The following MAN2B1 variants were observed in gnomAD, a reference collection of about 807,000 sequenced individuals.
MAN2B1 encodes lysosomal alpha-mannosidase.
In MAN2B1, 99 loss-of-function variants were observed where a neutral mutation model predicts 127.5. That is an observed-to-expected ratio of 0.78 (90% confidence interval 0.66 to 0.92). MAN2B1 has a LOEUF of 0.92. Ranked by LOEUF, MAN2B1 falls within the 40% of genes least tolerant of loss-of-function variation. The probability of loss-of-function intolerance (pLI) is 0.00; values close to 1 mark genes in which losing one functional copy is unlikely to be tolerated. For synonymous variants in MAN2B1, 573 were observed against 568.8 expected (o/e 1.01, Z -0.11); for missense variants, 1,304 against 1,384.8 (o/e 0.94, Z 0.93).
In MAN2B1 at chr19:12,656,936, C is replaced by T. The variant is rs765251248; in HGVS notation, c.1527+13G>A. The T allele has an allele frequency of 8.1e-6, 13 of 1,607,570 alleles. No homozygotes were observed. The highest frequency in any genetic ancestry group is 1.1e-5 in the Non-Finnish European group (13 of 1,175,364). On this transcript the variant is annotated intron_variant, in intron 12 of 23. Coordinates refer to ENST00000456935, the MANE Select transcript of MAN2B1 (RefSeq NM_000528.4). ...CCATCTGCCCTAGATCCACCCCTCC[C>T]GTCCCGGCTCACGCGCGCCGCCGTC... is the stretch of plus-strand genomic sequence containing the variant.
intron 5 of MAN2B1, 72 bp from the exon 6 acceptor site, chr19:12,663,534 C>T: frequency 1.3e-6 from 2 of 1,596,144 alleles, no homozygotes; most frequent in South Asian, 2.2e-5. Flanking sequence ...CGGCCATGTC[C>T]CACCCAGGAT....
At chr19:12,656,803 AG>A in intron 12 of MAN2B1, 116 bp from the exon 13 acceptor site, 1 of 1,047,328 alleles carries the variant, frequency 9.5e-7, no homozygotes, top group South Asian at 1.3e-5. Flanking sequence ...CTTAAGGCCA[AG>A]CCCCCTCGAG....
chr19:12,656,543 C>A (rs767822152), intron 13 of MAN2B1, 28 bp downstream of exon 13: 14 of 1,518,016 alleles, frequency 9.2e-6, no homozygotes, highest in East Asian at 2.2e-5. Flanking sequence ...GGAGTCCCAG[C>A]GGGGGAATAT....
chr19:12,652,489 TTGTGTGTGTA>T (rs778284056), intron 14 of MAN2B1, 29 bp from the exon 15 acceptor site: 9 of 1,503,624 alleles, frequency 6.0e-6, no homozygotes, highest in Admixed American at 5.0e-5. Context: ...ACAGATGGGT[TTGTGTGTGTA>T]TGTGTGTGTG....
At chr19:12,658,635 TGCAAGCCAATG>T (rs2024033424) in intron 7 of MAN2B1, 125 bp from the exon 8 acceptor site, 1 of 867,388 alleles carries the variant, frequency 1.2e-6, no homozygotes, top group Admixed American at 2.0e-5. Flanking sequence ...ATATTTGGCG[TGCAAGCCAATG>T]GTTGGGTGTG....
rs372896479 is a variant in MAN2B1 at position 12,648,220 on chromosome 19, C to T, written c.2619G>A (p.Pro873=). The change falls in exon 21 of 24, where the codon CCG becomes CCA. Residue 873 remains proline, a synonymous_variant. Transcript: ENST00000456935. ...EVLAPQVVLA[P]GGGAAYNLGA... ...CGAGATTGTAGGCGGCGCCGCCACC[C>T]GGGGCCAGCACCACCTGAGGGGCCA... 94 of 1,575,520 alleles carry T rather than the reference C, an allele frequency of 6.0e-5. 2 individuals carry two copies. In the African/African-American group the frequency reaches 1.0e-3, roughly 17 times the overall value.
At chr19:12,651,388 A>C (rs2023838375) in intron 16 of MAN2B1, among the ~76,000 whole-genome samples, 1 of 152,170 alleles carries the variant, frequency 6.6e-6, no homozygotes, top group African/African-American at 2.4e-5. Context: ...TTGGACCATG[A>C]GGTGGAAACT....
In MAN2B1 at chr19:12,658,210, C is replaced by T. The variant is rs773957286; in HGVS notation, c.1230+14G>A. On this transcript the variant is annotated intron_variant, in intron 9 of 23. Transcript: ENST00000456935. ...TCGGGGCTGCATGCCCCCTCTAGCC[C>T]GGCTCCTACCCACCTGCAGGAAGTT... 4.3e-6 allele frequency: 7 copies of T among 1,613,902 alleles called. No homozygotes were observed. Among genetic ancestry groups the T allele is most frequent in the East Asian group, 2.2e-5 (1 of 44,862 alleles).
chr19:12,657,455 C>T lies in MAN2B1; in HGVS notation c.1410G>A (p.Gly470=), dbSNP rs1382087193. 9 of 1,553,616 alleles carry T rather than the reference C, an allele frequency of 5.8e-6. No individual in the cohort carries two copies. Among genetic ancestry groups the T allele is most frequent in the South Asian group, 1.2e-5 (1 of 84,326 alleles). ...GTCTCGCCCCGCGCACCTCGCAAGG[C>T]CCCCAGCCTGCCGCAAGCTGGCGCG... ...DYARQLAAGW[G]PCEVLLSNAL... is the part of the protein sequence containing the mutation. The change falls in exon 11 of 24, where the codon GGG becomes GGA. Residue 470 remains glycine (G), a synonymous_variant. Transcript: ENST00000456935.
At position 12,663,779 on chromosome 19, in the gene MAN2B1, C is replaced by T. The variant is rs1599357346; in HGVS notation, c.687G>A (p.Arg229=). The change falls in exon 5 of 24, where the codon CGG becomes CGA. Residue 229 remains arginine (R), a synonymous_variant. Coordinates refer to ENST00000456935, the MANE Select transcript of MAN2B1 (RefSeq NM_000528.4). ...GRLDYQDKWV[R]MQKLEMEQVW... is the part of the protein sequence containing the mutation. ...CCTGCTCCATCTCCAGCTTCTGCAT[C>T]CGTACCCACTTATCTTGATAATCAA... 6.2e-7 allele frequency: 1 copy of T among 1,614,224 alleles called. No homozygotes were observed. The highest frequency in any genetic ancestry group is 8.5e-7 in the Non-Finnish European group (1 of 1,180,038).
chr19:12,658,922 T>A (rs1489341855), intron 7 of MAN2B1: 6 of 312,976 alleles, frequency 1.9e-5, no homozygotes, highest in African/African-American at 4.4e-5. Flanking sequence ...AGTGGCTCAA[T>A]CTCAGCTCAC....
intron 10 of MAN2B1, 152 bp from the exon 11 acceptor site, chr19:12,657,707 C>T (rs2024002412): frequency 1.4e-6 from 1 of 732,774 alleles, no homozygotes; most frequent in Non-Finnish European, 2.4e-6. Flanking sequence ...GCCTGTAATC[C>T]CAGCACTTTG....
rs121434331 is a variant in MAN2B1 at position 12,649,418 on chromosome 19, G to A, written c.2278C>T (p.Arg760Ter). 10 of 1,610,244 alleles carry A rather than the reference G, an allele frequency of 6.2e-6. No homozygotes were observed. Among genetic ancestry groups the A allele is most frequent in the African/African-American group, 4.0e-5 (3 of 74,440 alleles). Reference protein sequence around the residue: ...REILERRRDYRPTWKLNQTEP... With the variant: ...REILERRRDY Reference sequence around the variant, plus strand: ...GTCTGGTTCAGTTTCCAGGTGGGTCGATAATCCCGCCTGGGGTTGGGGGTG... The same window carrying A: ...GTCTGGTTCAGTTTCCAGGTGGGTCAATAATCCCGCCTGGGGTTGGGGGTG... The change falls in exon 19 of 24, where the codon CGA becomes TGA. Residue 760 changes from arginine (R) to a stop codon, truncating the protein, a stop_gained. Coordinates refer to ENST00000456935, the MANE Select transcript of MAN2B1 (RefSeq NM_000528.4). LOFTEE classifies it high-confidence loss of function.
intron 12 of MAN2B1, 127 bp from the exon 13 acceptor site, chr19:12,656,814 G>A (rs1285653664): frequency 1.9e-6 from 2 of 1,028,728 alleles, no homozygotes; most frequent in Non-Finnish European, 3.1e-6. Flanking sequence ...GCCCCCTCGA[G>A]ATGCGTTGTT....
rs62108387 is a variant in MAN2B1 at position 12,660,935 on chromosome 19, T to C, written c.1026+325A>G. On this transcript the variant is annotated intron_variant, in intron 7 of 23. Transcript: ENST00000456935. ...CATCACACCCAGCTAATTTCTGTAT[T>C]TTTAGTAGAGACAGCGTTTCACCAT... 6,834 of 348,606 alleles carry C rather than the reference T, an allele frequency of 0.02. 86 individuals are homozygous for C. The highest frequency in any genetic ancestry group is 0.026 in the Non-Finnish European group (4,630 of 176,238). The allele number at this position is 348,606 out of a possible 1,614,324, so 21.6% of individuals were successfully genotyped here.
chr19:12,665,071 C>T (rs1284548622), intron 3 of MAN2B1, 86 bp from the exon 4 acceptor site: 1 of 1,291,056 alleles, frequency 7.7e-7, no homozygotes, highest in Non-Finnish European at 1.1e-6. Context: ...TGAAAGCCTG[C>T]CTGTGTACAC....
In MAN2B1 at chr19:12,657,011, G is replaced by T; in HGVS notation, c.1465C>A (p.His489Asn). The stretch of plus-strand genomic sequence containing the variant: ...TTTAGCTGTTGGCAAAAGGTGAAGT[G>T]ATCTTTGAAGCCTCTGAGCCGCGCC... ...ALARLRGFKD[H>N]FTFCQQLNIS... The change falls in exon 12 of 24, where the codon CAC becomes AAC. Residue 489 changes from histidine to asparagine, a missense_variant. Coordinates refer to ENST00000456935, the MANE Select transcript of MAN2B1 (RefSeq NM_000528.4). The T allele has an allele frequency of 6.2e-7, 1 of 1,613,500 alleles. No individual in the cohort carries two copies. Among genetic ancestry groups the T allele is most frequent in the Non-Finnish European group, 8.5e-7 (1 of 1,179,970 alleles).
chr19:12,659,849 AAAG>A (rs1246701258), intron 7 of MAN2B1, among the ~76,000 whole-genome samples: 3 of 152,054 alleles, frequency 2.0e-5, no homozygotes, highest in Non-Finnish European at 2.9e-5. Context: ...AAAATTTTAA[AAAG>A]AAAAAATAAA....
chr19:12,660,301 C>T (rs186834876), intron 7 of MAN2B1, among the ~76,000 whole-genome samples: 19 of 152,096 alleles, frequency 1.2e-4, no homozygotes, highest in South Asian at 4.1e-4. Flanking sequence ...GTCAAGAAAT[C>T]GAGACCATCC....
Sources: allele counts gnomAD v4.1 joint callset (sites outside exome capture counted in the v4.1 genomes callset), GRCh38; gene constraint gnomAD v4.1.1; transcripts MANE v1.5; gene names NCBI Gene and HGNC (gene_info 2026-07-23, HGNC 2026-07-21).